TNK2: variants seen among roughly 807,000 people sequenced by gnomAD.
TNK2 encodes activated CDC42 kinase 1.
Under a neutral mutation model 101.8 loss-of-function variants are expected in TNK2, and 83 were observed. The ratio of observed to expected loss-of-function variants is 0.82; its 90% confidence interval spans 0.68 to 0.98. The LOEUF (loss-of-function observed/expected upper bound fraction) is 0.98, where lower values mean the gene tolerates loss of function less well. Ranked by LOEUF, TNK2 falls within the 50% of genes least tolerant of loss-of-function variation. TNK2 has a pLI of 0.00. For synonymous variants in TNK2, 804 were observed against 633.0 expected (o/e 1.27, Z -4.06); for missense variants, 1,665 against 1,483.2 (o/e 1.12, Z -2.01).
At position 195,867,594 on chromosome 3, in the gene TNK2, G is replaced by C. The variant is rs781536742; in HGVS notation, c.2704C>G (p.Pro902Ala). 1.3e-6 allele frequency: 2 copies of C among 1,593,426 alleles called. No homozygotes were observed. The highest frequency in any genetic ancestry group is 1.1e-5 in the South Asian group (1 of 90,436). ...GGCAGCAGCAGAGGCACAGGCAGGG[G>C]GGTAGGCTCCTCGGGGCTCTGGGCC... ...REAQSPEEPT[P>A]LPVPLLLPPP... Residue 902 changes from proline to alanine, a missense_variant, in exon 13 of 16, where the codon CCC becomes GCC. Physicochemically the swap from Pro to Ala is conservative, Grantham distance 27. Around this residue, in one of 3 missense-constraint regions of TNK2, gnomAD observed 1,136 missense variants for 894.9 expected, o/e 1.27. Transcript: ENST00000672887.
At position 195,872,499 on chromosome 3, in the gene TNK2, C is replaced by CCAGGCGTGGCGGGG. The variant is rs773672271; in HGVS notation, c.1257-43_1257-30dup. The stretch of plus-strand genomic sequence containing the variant: ...CGCGACAGAGATGGCACGGTGAACG[C>CCAGGCGTGGCGGGG]CAGGCGTGGCGGGGCAGCCCCGGCA... On this transcript the variant is annotated intron_variant, in intron 9 of 15. Coordinates refer to ENST00000672887, the MANE Select transcript of TNK2 (RefSeq NM_001382273.1). The CCAGGCGTGGCGGGG allele has an allele frequency of 3.9e-6, 6 of 1,552,916 alleles. No individual in the cohort carries two copies. The African/African-American group carries it at 8.1e-5, about 21-fold the overall frequency.
At chr3:195,868,768 G>A (rs1742694094) in intron 12 of TNK2, 59 bp from the exon 13 acceptor site, 2 of 1,477,568 alleles carry the variant, frequency 1.4e-6, no homozygotes, top group Admixed American at 2.4e-5. Context: ...GGGACACGAG[G>A]GGAGGTGGCA....
At chr3:195,887,738 CGT>C (rs34356305) in intron 2 of TNK2, among the ~76,000 whole-genome samples, 6,488 of 151,942 alleles carry the variant, frequency 0.043, 177 homozygotes, top group African/African-American at 0.087. Context: ...TGTGTATGTG[CGT>C]GTGTGTGCAC....
At chr3:195,868,767 G>A in intron 12 of TNK2, 58 bp from the exon 13 acceptor site, 1 of 1,477,934 alleles carries the variant, frequency 6.8e-7, no homozygotes, top group South Asian at 1.3e-5. Flanking sequence ...TGGGACACGA[G>A]GGGAGGTGGC....
rs957654122 is a variant in TNK2, at chr3:195,885,729, G to A, written c.235-696C>T. 8 of 516,632 alleles carry A rather than the reference G, an allele frequency of 1.5e-5. No homozygotes were observed. Among genetic ancestry groups the A allele is most frequent in the South Asian group, 1.1e-4 (6 of 55,272 alleles). 32.0% of individuals were successfully genotyped at this position (516,632 alleles called of 1,614,324 possible). ...ACTCGGAGGCCAGGGTGGACAGGGAGGAGCCGAAGGTCAAGGGACAGAAGA... is the reference window on the plus strand; with the variant it reads ...ACTCGGAGGCCAGGGTGGACAGGGAAGAGCCGAAGGTCAAGGGACAGAAGA... On this transcript the variant is annotated intron_variant, in intron 3 of 15. Transcript: ENST00000672887. This position sits in a 1 kb window ranked among gnomAD's most constrained non-coding sequence, Gnocchi z 4.7.
rs146623412 is a variant in TNK2, at chr3:195,868,268, C to T, written c.2030G>A (p.Gly677Glu). Reference sequence around the variant, plus strand: ...GTAGTTGGTCTGGCCCTGGCTGGGCCCGGCAGGGACCCCCGCGCCCACGAG... The same window carrying T: ...GTAGTTGGTCTGGCCCTGGCTGGGCTCGGCAGGGACCCCCGCGCCCACGAG... ...STLVGAGVPAGPSQGQTNYAF... is the reference protein window; with the variant it reads ...STLVGAGVPAEPSQGQTNYAF... Residue 677 changes from glycine to glutamate, a missense_variant, in exon 13 of 16, where the codon GGG becomes GAG. This residue lies in a region of TNK2 where 1,136 missense variants were observed against 894.9 expected (regional missense o/e 1.27). Transcript: ENST00000672887. The T allele has an allele frequency of 1.2e-6, 2 of 1,604,296 alleles. No homozygotes were observed. Among genetic ancestry groups the T allele is most frequent in the Non-Finnish European group, 1.7e-6 (2 of 1,179,524 alleles).
chr3:195,905,974 C>G (rs141030162), intron 1 of TNK2, among the ~76,000 whole-genome samples: 1 of 152,288 alleles, frequency 6.6e-6, no homozygotes, highest in East Asian at 1.9e-4. Flanking sequence ...CTCTTCAGAA[C>G]TCAACACGAA....
chr3:195,898,225 C>T (rs1760846081), intron 1 of TNK2, among the ~76,000 whole-genome samples: 2 of 152,130 alleles, frequency 1.3e-5, no homozygotes, highest in Admixed American at 6.5e-5. Flanking sequence ...CCAGACACAC[C>T]GGTCGGGCTG....
At chr3:195,869,334 A>G in intron 12 of TNK2, 163 bp downstream of exon 12, 1 of 742,450 alleles carries the variant, frequency 1.3e-6, no homozygotes, top group Non-Finnish European at 2.2e-6. Flanking sequence ...GGCGGGCTCG[A>G]GGGGGGGCAG....
In TNK2 at chr3:195,872,309, CG is replaced by C; in HGVS notation, c.1417del (p.Arg473AlafsTer25). On this transcript the variant is annotated frameshift_variant, in exon 10 of 16. Transcript: ENST00000672887. LOFTEE classifies it high-confidence loss of function. ...CCTGTCCGGGAAGCCCCAGCAGTGG[CG>C]GGGGTCACTGTCGCCATGCCCTGTG... ...IHTGHGDSDP[R>X]HCWGFPDRID... 1 of 1,613,278 alleles carries C rather than the reference CG, an allele frequency of 6.2e-7. No homozygotes were observed. Among genetic ancestry groups the C allele is most frequent in the Non-Finnish European group, 8.5e-7 (1 of 1,179,912 alleles).
At chr3:195,902,479 G>A (rs563787412) in intron 1 of TNK2, among the ~76,000 whole-genome samples, 6 of 151,960 alleles carry the variant, frequency 3.9e-5, no homozygotes, top group Admixed American at 1.3e-4. Context: ...TTAGCCAGGC[G>A]TGGTGGCATG....
chr3:195,867,961 C>T lies in TNK2; in HGVS notation c.2337G>A (p.Glu779=), dbSNP rs1445725462. 1 of 1,545,696 alleles carries T rather than the reference C, an allele frequency of 6.5e-7. No individual in the cohort carries two copies. The highest frequency in any genetic ancestry group is 1.4e-5 in the African/African-American group (1 of 72,548). ...VQLSPAPPGE[E]ETSQWPGPAS... Reference sequence around the variant, plus strand: ...CAGGTCCAGGCCACTGGCTGGTCTCCTCCTCGCCCGGGGGGGCTGGAGACA... The same window carrying T: ...CAGGTCCAGGCCACTGGCTGGTCTCTTCCTCGCCCGGGGGGGCTGGAGACA... Residue 779 remains glutamate, a synonymous_variant, in exon 13 of 16, where the codon GAG becomes GAA. Coordinates refer to ENST00000672887, the MANE Select transcript of TNK2 (RefSeq NM_001382273.1).
At chr3:195,890,293 G>A (rs1185904648) in intron 1 of TNK2, among the ~76,000 whole-genome samples, 1 of 152,184 alleles carries the variant, frequency 6.6e-6, no homozygotes, top group East Asian at 1.9e-4. Flanking sequence ...TTCAGTGGGT[G>A]GTTGGGGGAC....
chr3:195,887,955 C>CGTGT (rs58113480), intron 2 of TNK2, among the ~76,000 whole-genome samples: 48 of 148,180 alleles, frequency 3.2e-4, no homozygotes, highest in South Asian at 1.5e-3. Flanking sequence ...TGTGTGCCTG[C>CGTGT]GTGTGTGTGT....
chr3:195,890,454 GT>G (rs58431049), intron 1 of TNK2, among the ~76,000 whole-genome samples: 39,643 of 118,966 alleles, frequency 0.33, 4,645 homozygotes, highest in Non-Finnish European at 0.38. Flanking sequence ...TAGTTTTTTG[GT>G]TTTTTTTTTT....
In TNK2 at chr3:195,878,113, C is replaced by G; in HGVS notation, c.1256+140G>C. 1 of 816,702 alleles carries G rather than the reference C, an allele frequency of 1.2e-6. No homozygotes were observed. Among genetic ancestry groups the G allele is most frequent in the Non-Finnish European group, 2.0e-6 (1 of 494,904 alleles). 50.6% of individuals were successfully genotyped at this position (816,702 alleles called of 1,614,324 possible). ...GACGGAGGCAGGCCTGTCCTCCCCT[C>G]ACACTGCAGGGTTCAGGCCCAACCG... On this transcript the variant is annotated intron_variant, in intron 9 of 15. Transcript: ENST00000672887. This position sits in a 1 kb window ranked among gnomAD's most constrained non-coding sequence, Gnocchi z 4.7.
chr3:195,873,383 A>T (rs1746803604), intron 9 of TNK2, among the ~76,000 whole-genome samples: 1 of 151,944 alleles, frequency 6.6e-6, no homozygotes, highest in Non-Finnish European at 1.5e-5. Flanking sequence ...CTGCTGCTGG[A>T]CTTGTCATAC....
intron 5 of TNK2, 29 bp downstream of exon 5, chr3:195,883,128 G>GGCCC: frequency 1.0e-5 from 16 of 1,591,774 alleles, no homozygotes; most frequent in Non-Finnish European, 1.0e-5. Context: ...CCCTCTCCCT[G>GGCCC]CCCGCCCCCT....
rs1738856189 is a variant in TNK2 at position 195,863,875 on chromosome 3, C to A, written c.*306G>T. 2 of 408,246 alleles carry A rather than the reference C, an allele frequency of 4.9e-6. No homozygotes were observed. The highest frequency in any genetic ancestry group is 8.8e-6 in the Non-Finnish European group (2 of 226,698). The allele number at this position is 408,246 out of a possible 1,614,324, so 25.3% of individuals were successfully genotyped here. A position where few individuals can be genotyped will look rare whatever the true frequency, so the allele number is the denominator to read the frequency against. ...CTCCACCCACAGGCCCCGCCCAGGACCAGGGCCAGAGGCAGGTCATACCCA... is the reference window on the plus strand; with the variant it reads ...CTCCACCCACAGGCCCCGCCCAGGAACAGGGCCAGAGGCAGGTCATACCCA... On this transcript the variant is annotated 3_prime_UTR_variant, in exon 16 of 16. Coordinates refer to ENST00000672887, the MANE Select transcript of TNK2 (RefSeq NM_001382273.1).
Sources: gnomAD v4.1 joint callset for allele counts (sites outside exome capture counted in the v4.1 genomes callset) on GRCh38, gnomAD v4.1.1 for gene constraint, gnomAD v4.1.1 regional missense constraint, Gnocchi (gnomAD v3.1) non-coding constraint, MANE v1.5 for transcripts, NCBI Gene and HGNC (gene_info 2026-07-23, HGNC 2026-07-21) for gene names.